STK3: variants seen among roughly 807,000 people sequenced by gnomAD.
The protein encoded by STK3 is serine/threonine-protein kinase 3.
STK3 carries 41 observed loss-of-function variants against 58.0 expected under a neutral mutation model. That is an observed-to-expected ratio of 0.71 (90% CI 0.55 to 0.92). STK3 has a LOEUF of 0.92. STK3 is among the 40% of genes least tolerant of loss of function. The probability of loss-of-function intolerance (pLI) is 0.00; values close to 1 mark genes in which losing one functional copy is unlikely to be tolerated. For synonymous variants in STK3, 170 were observed against 191.0 expected (o/e 0.89, Z 0.91); for missense variants, 479 against 602.7 (o/e 0.79, Z 2.15).
At chr8:98,681,700 T>C (rs1422112675) in intron 6 of STK3, among the ~76,000 whole-genome samples, 3 of 152,176 alleles carry the variant, frequency 2.0e-5, no homozygotes, top group African/African-American at 7.2e-5. Flanking sequence ...TTACAGTAAA[T>C]ATCAATGTCA....
At position 98,917,031 on chromosome 8, in the gene STK3, C is replaced by G. The variant is rs368987381; in HGVS notation, c.-79+25347G>C. Among the ~76,000 whole-genome samples, 9 of 152,192 alleles carry G rather than the reference C, an allele frequency of 5.9e-5. No homozygotes were observed. The East Asian group carries it at 1.7e-3, about 29-fold the overall frequency. On this transcript the variant is annotated intron_variant, in intron 1 of 1. Transcript: ENST00000519420. ...TTCTTCATGCAGGTTCTGAGTTGGG[C>G]ATGAGATTGACATGTCAATGGACTA...
intron 1 of STK3, among the ~76,000 whole-genome samples, chr8:98,911,699 A>G (rs1025403880): frequency 2.0e-5 from 3 of 152,148 alleles, no homozygotes; most frequent in African/African-American, 7.2e-5. Context: ...CCCAGAAAAT[A>G]TTCTTAATGG....
intron 1 of STK3, among the ~76,000 whole-genome samples, chr8:98,938,063 C>A (rs1266509087): frequency 1.3e-5 from 2 of 152,074 alleles, no homozygotes; most frequent in African/African-American, 4.8e-5. Flanking sequence ...TACTTTTGTA[C>A]AATTTATGAC....
At chr8:98,776,344 A>C (rs1156737403) in intron 1 of STK3, among the ~76,000 whole-genome samples, 1 of 151,770 alleles carries the variant, frequency 6.6e-6, no homozygotes, top group African/African-American at 2.4e-5. Context: ...GGTTTGCTGC[A>C]GGGAAGCTGG....
intron 6 of STK3, among the ~76,000 whole-genome samples, chr8:98,696,627 G>C (rs1824966894): frequency 6.6e-6 from 1 of 152,282 alleles, no homozygotes; most frequent in South Asian, 2.1e-4. Context: ...TGTGGTTTTT[G>C]TCTTTCGTTC....
At chr8:98,406,303 C>T (rs947501696) in intron 3 of STK3, among the ~76,000 whole-genome samples, 5 of 148,224 alleles carry the variant, frequency 3.4e-5, no homozygotes, top group East Asian at 2.0e-4. Flanking sequence ...TTATTTATTT[C>T]GGCTTTCATC....
chr8:98,716,046 A>G (rs1826983153), intron 4 of STK3, among the ~76,000 whole-genome samples: 1 of 152,132 alleles, frequency 6.6e-6, no homozygotes, highest in Non-Finnish European at 1.5e-5. Context: ...AAAAAAACAA[A>G]CACCGCATGT....
intron 4 of STK3, among the ~76,000 whole-genome samples, chr8:98,745,916 G>C (rs900994880): frequency 1.3e-5 from 2 of 152,206 alleles, no homozygotes; most frequent in African/African-American, 4.8e-5. Flanking sequence ...ATAGCCTATT[G>C]CTCCTAGGCT....
chr8:98,926,440 T>C (rs184567859), intron 1 of STK3, among the ~76,000 whole-genome samples: 382 of 152,340 alleles, frequency 2.5e-3, no homozygotes, highest in African/African-American at 8.8e-3. Context: ...CTACCCAAGA[T>C]GCCACTTATG....
intron 6 of STK3, among the ~76,000 whole-genome samples, chr8:98,686,905 A>T (rs1824041744): frequency 6.6e-6 from 1 of 152,192 alleles, no homozygotes; most frequent in Non-Finnish European, 1.5e-5. Flanking sequence ...AAAATGAAAA[A>T]AGCCTTCAAG....
intron 1 of STK3, among the ~76,000 whole-genome samples, chr8:98,823,072 T>C (rs1434492323): frequency 6.6e-6 from 1 of 151,976 alleles, no homozygotes; most frequent in East Asian, 1.9e-4. Context: ...AATTCAAAAG[T>C]GAGGGTCATA....
At position 98,469,258 on chromosome 8, in the gene STK3, C is replaced by A. The variant is rs962104124; in HGVS notation, c.1318-13258G>T. On this transcript the variant is annotated intron_variant, in intron 10 of 10. Coordinates refer to ENST00000419617, the MANE Select transcript of STK3 (RefSeq NM_006281.4). ...CCAAAAAGGCTTTTCTTTGCGGGGGCGGGGGGGCGGTCTGAGAATGGCGCC... is the reference window on the plus strand; with the variant it reads ...CCAAAAAGGCTTTTCTTTGCGGGGGAGGGGGGGCGGTCTGAGAATGGCGCC... 1.1e-3 allele frequency among the ~76,000 whole-genome samples: 61 copies of A among 56,676 alleles called. 1 individual carries two copies. The highest frequency in any genetic ancestry group is 1.7e-3 in the Non-Finnish European group (44 of 25,644). 37.2% of individuals were successfully genotyped at this position (56,676 alleles called of 152,430 possible).
At chr8:98,862,236 G>T (rs972506280) in intron 3 of STK3, among the ~76,000 whole-genome samples, 2 of 152,172 alleles carry the variant, frequency 1.3e-5, no homozygotes, top group African/African-American at 2.4e-5. Flanking sequence ...AGAAACTCTG[G>T]AACTTCTGGA....
At chr8:98,578,836 A>C (rs1813619597) in intron 8 of STK3, among the ~76,000 whole-genome samples, 1 of 152,178 alleles carries the variant, frequency 6.6e-6, no homozygotes, top group Non-Finnish European at 1.5e-5. Context: ...GGCAAAAAAT[A>C]ATTAGCAAGG....
chr8:98,817,370 C>A (rs1834622458), intron 1 of STK3, among the ~76,000 whole-genome samples: 1 of 150,218 alleles, frequency 6.7e-6, no homozygotes, highest in Admixed American at 6.7e-5. Context: ...AGGAGAATTG[C>A]TTGAACCTAT....
chr8:98,932,583 A>G (rs866576262), intron 1 of STK3, among the ~76,000 whole-genome samples: 4 of 152,340 alleles, frequency 2.6e-5, no homozygotes, highest in Middle Eastern at 6.8e-3. Context: ...CTTTAAGGAA[A>G]TTATCTGGCA....
In STK3 at chr8:98,641,086, A is replaced by G. The variant is rs542506188; in HGVS notation, c.685-44917T>C. 3.3e-5 allele frequency among the ~76,000 whole-genome samples: 5 copies of G among 152,202 alleles called. No homozygotes were observed. The East Asian group carries it at 9.6e-4, about 29-fold the overall frequency. ...ATTTACTACTTTAACTTTGTAGTTT[A>G]TAATTTACAAATTTCCCAGCACTAT... On this transcript the variant is annotated intron_variant, in intron 6 of 10. Transcript: ENST00000419617.
At chr8:98,556,296 T>C (rs917768627) in intron 8 of STK3, among the ~76,000 whole-genome samples, 2 of 152,062 alleles carry the variant, frequency 1.3e-5, no homozygotes, top group African/African-American at 4.8e-5. Flanking sequence ...AAATCCATAT[T>C]ACAGGGACGC....
At chr8:98,742,485 T>C (rs1461277263) in intron 4 of STK3, among the ~76,000 whole-genome samples, 1 of 122,614 alleles carries the variant, frequency 8.2e-6, no homozygotes, top group Non-Finnish European at 1.7e-5. Flanking sequence ...AAAAACCATA[T>C]GATTATCTCA....
Sources: gnomAD v4.1 joint callset for allele counts (sites outside exome capture counted in the v4.1 genomes callset) on GRCh38, gnomAD v4.1.1 for gene constraint, MANE v1.5 for transcripts, NCBI Gene and HGNC (gene_info 2026-07-23, HGNC 2026-07-21) for gene names.